Variants in LAPTM5 observed in about 807,000 individuals in gnomAD.
LAPTM5 encodes the protein lysosomal protein transmembrane 5, also known as lysosomal-associated transmembrane protein 5.
In LAPTM5, 11 loss-of-function variants were observed where a neutral mutation model predicts 30.1. The ratio of observed to expected loss-of-function variants is 0.37; its 90% confidence interval spans 0.23 to 0.60. The LOEUF is 0.60. Among genes scored for constraint, LAPTM5 ranks in the 20% least tolerant of loss-of-function variants. The pLI is 0.71. For missense variants in LAPTM5, 324 were observed against 332.5 expected (o/e 0.97, Z 0.20); for synonymous variants, 151 against 137.9 (o/e 1.10, Z -0.67).
At chr1:30,741,222 G>T (rs991690150) in intron 3 of LAPTM5, among the ~76,000 whole-genome samples, 2 of 152,180 alleles carry the variant, frequency 1.3e-5, no homozygotes, top group African/African-American at 4.8e-5. Flanking sequence ...AGAGCTGCAT[G>T]CATCCTACTT....
rs1336310719 is a variant in LAPTM5 at position 30,732,971 on chromosome 1, G to C, written c.*857C>G. On this transcript the variant is annotated 3_prime_UTR_variant, in exon 8 of 8. Transcript: ENST00000294507. ...CTGTTATGCAGCCACACTGACCACA[G>C]AGCAACTGAATAGGTGAGCATTGGA... 1.3e-5 allele frequency: 2 copies of C among 152,562 alleles called. No homozygotes were observed. Among genetic ancestry groups the C allele is most frequent in the Admixed American group, 1.3e-4 (2 of 15,314 alleles). 9.5% of individuals were successfully genotyped at this position (152,562 alleles called of 1,614,324 possible).
At chr1:30,738,799 T>C (rs1028331625) in intron 5 of LAPTM5, 141 bp downstream of exon 5, 2 of 950,884 alleles carry the variant, frequency 2.1e-6, no homozygotes, top group African/African-American at 1.7e-5. Flanking sequence ...GCTCCCTCAA[T>C]AAATCACCAG....
chr1:30,749,024 T>A (rs1045576185), intron 1 of LAPTM5, among the ~76,000 whole-genome samples: 1 of 152,214 alleles, frequency 6.6e-6, no homozygotes, highest in Non-Finnish European at 1.5e-5. Context: ...GGTGCCTGTG[T>A]GTGGACACCC....
chr1:30,744,513 G>A (rs1376914246), intron 1 of LAPTM5, among the ~76,000 whole-genome samples: 2 of 152,188 alleles, frequency 1.3e-5, no homozygotes, highest in Admixed American at 6.5e-5. Flanking sequence ...TCTGCCAGCT[G>A]TGAAATGAGA....
At chr1:30,742,422 C>T in intron 2 of LAPTM5, 34 bp downstream of exon 2, 1 of 1,512,782 alleles carries the variant, frequency 6.6e-7, no homozygotes, top group Non-Finnish European at 9.1e-7. Context: ...TGTCCTCCTC[C>T]CCCCGCCACT....
intron 2 of LAPTM5, 48 bp downstream of exon 2, chr1:30,742,408 T>C: frequency 7.2e-7 from 1 of 1,398,208 alleles, no homozygotes; most frequent in South Asian, 1.2e-5. Flanking sequence ...GCCAGGGCCC[T>C]CCCTGTCCTC....
intron 1 of LAPTM5, among the ~76,000 whole-genome samples, chr1:30,742,896 G>C (rs1270707259): frequency 6.6e-6 from 1 of 152,160 alleles, no homozygotes; most frequent in African/African-American, 2.4e-5. Flanking sequence ...CTTAGGCCCA[G>C]TTCTCAGGAA....
intron 1 of LAPTM5, among the ~76,000 whole-genome samples, chr1:30,748,876 C>G (rs2124193940): frequency 6.6e-6 from 1 of 152,394 alleles, no homozygotes; most frequent in South Asian, 2.1e-4. Flanking sequence ...CCTGTGGGAT[C>G]CTGGCCTGGC....
At chr1:30,743,371 G>A (rs989266472) in intron 1 of LAPTM5, among the ~76,000 whole-genome samples, 10 of 152,214 alleles carry the variant, frequency 6.6e-5, no homozygotes, top group African/African-American at 2.4e-4. Context: ...TAAGAATGAT[G>A]TGGAAGGGGC....
rs1413200996 is a variant in LAPTM5, at chr1:30,737,718, C to A, written c.511-19G>T. The A allele has an allele frequency of 4.6e-6, 7 of 1,530,566 alleles. No homozygotes were observed. Among genetic ancestry groups the A allele is most frequent in the Admixed American group, 1.7e-5 (1 of 59,554 alleles). 94.8% of individuals were successfully genotyped at this position (1,530,566 alleles called of 1,614,324 possible). On this transcript the variant is annotated intron_variant, in intron 5 of 7. Transcript: ENST00000294507. The stretch of plus-strand genomic sequence containing the variant: ...GGTAATTCTGCAACAGATTTGGGGG[C>A]CACATCAATGTCTCTGGACATAAGG...
Position 30,739,789 on chromosome 1 carries a change from G to A in LAPTM5, c.387+20C>T. 1 of 1,582,050 alleles carries A rather than the reference G, an allele frequency of 6.3e-7. No individual in the cohort carries two copies. The highest frequency in any genetic ancestry group is 8.6e-7 in the Non-Finnish European group (1 of 1,163,154). The stretch of plus-strand genomic sequence containing the variant: ...ACCTGGGCTCTGCTGTCCGGTGAGA[G>A]GTGGGGGCTGGGTACTCACAGCACG... On this transcript the variant is annotated intron_variant, in intron 4 of 7. Transcript: ENST00000294507. The surrounding 1 kb of genome is among the most constrained non-coding windows in gnomAD (Gnocchi z 4.2).
chr1:30,735,300 G>T lies in LAPTM5; in HGVS notation c.607-35C>A. The T allele has an allele frequency of 2.5e-6, 4 of 1,575,930 alleles. No individual in the cohort carries two copies. In the South Asian group the frequency reaches 3.3e-5, roughly 13 times the overall value. On this transcript the variant is annotated intron_variant, in intron 6 of 7. Transcript: ENST00000294507. ...GGCCCAGGTCAGGCTGTGCTTTGCT[G>T]AGCGTCCTTCTCACGCTCCAGCAGG...
chr1:30,745,332 G>A (rs1054767427), intron 1 of LAPTM5, among the ~76,000 whole-genome samples: 25 of 152,126 alleles, frequency 1.6e-4, no homozygotes, highest in African/African-American at 5.3e-4. Flanking sequence ...TCCGCTGCCC[G>A]GCATCTTCCA....
chr1:30,754,684 T>C (rs1450804410), intron 1 of LAPTM5, among the ~76,000 whole-genome samples: 1 of 152,238 alleles, frequency 6.6e-6, no homozygotes, highest in Non-Finnish European at 1.5e-5. Flanking sequence ...GAGAATCCTC[T>C]ACACAAACCC....
chr1:30,750,911 C>T (rs1640128623), intron 1 of LAPTM5, among the ~76,000 whole-genome samples: 1 of 152,220 alleles, frequency 6.6e-6, no homozygotes, highest in Admixed American at 6.5e-5. Flanking sequence ...AGGGCTGAGG[C>T]AGTGCAGCTC....
intron 3 of LAPTM5, among the ~76,000 whole-genome samples, chr1:30,741,027 A>T (rs1639963339): frequency 6.6e-6 from 1 of 152,090 alleles, no homozygotes; most frequent in South Asian, 2.1e-4. Flanking sequence ...TCTGCAGGGG[A>T]TTGAGCTACA....
Position 30,751,411 on chromosome 1 carries a change from A to T in LAPTM5, c.87+6248T>A, listed in dbSNP as rs1640136833. Among the ~76,000 whole-genome samples, 2 of 152,174 alleles carry T rather than the reference A, an allele frequency of 1.3e-5. 1 individual carries two copies. The highest frequency in any genetic ancestry group is 4.1e-4 in the South Asian group (2 of 4,834). On this transcript the variant is annotated intron_variant, in intron 1 of 7. Transcript: ENST00000294507. ...GGGTTTTCCCCACCTGGCAGTTTGG[A>T]CCCATTTTTCAACCCCAAACAGATG...
At chr1:30,741,438 T>C (rs1639969002) in intron 3 of LAPTM5, among the ~76,000 whole-genome samples, 1 of 152,188 alleles carries the variant, frequency 6.6e-6, no homozygotes, top group Non-Finnish European at 1.5e-5. Context: ...AGGCTCATGT[T>C]ACCAGGGAAC....
intron 1 of LAPTM5, among the ~76,000 whole-genome samples, chr1:30,754,434 G>T (rs1471095834): frequency 6.6e-6 from 1 of 152,180 alleles, no homozygotes; most frequent in Non-Finnish European, 1.5e-5. Flanking sequence ...TACTCAGGAA[G>T]CTGAGGTGGG....
Sources: gnomAD v4.1 joint callset for allele counts (sites outside exome capture counted in the v4.1 genomes callset) on GRCh38, gnomAD v4.1.1 for gene constraint, Gnocchi (gnomAD v3.1) non-coding constraint, MANE v1.5 for transcripts, NCBI Gene and HGNC (gene_info 2026-07-23, HGNC 2026-07-21) for gene names.